Variants in ZBTB4 observed in about 807,000 individuals in gnomAD.
ZBTB4 encodes zinc finger and BTB domain-containing protein 4.
A neutral mutation model predicts 59.8 loss-of-function variants in ZBTB4; 14 were observed. That is an observed-to-expected ratio of 0.23 (90% CI 0.15 to 0.37). The LOEUF is 0.37. Among genes scored for constraint, ZBTB4 ranks in the 10% least tolerant of loss-of-function variants. The pLI is 1.00. For synonymous variants in ZBTB4, 587 were observed against 575.2 expected, an observed-to-expected ratio of 1.02 and a Z score of -0.29; for missense variants, 1,198 against 1,380.8, an observed-to-expected ratio of 0.87 and a Z score of 2.10.
At chr17:7,468,858 C>T (rs2070162130) in intron 1 of ZBTB4, among the ~76,000 whole-genome samples, 2 of 152,196 alleles carry the variant, frequency 1.3e-5, no homozygotes, top group South Asian at 4.1e-4. Flanking sequence ...GACACCTCTC[C>T]TGGATGGGAA....
In ZBTB4 at chr17:7,460,810, G is replaced by A. The variant is rs568812016; in HGVS notation, c.*1130C>T. ...TGTAAGGTGCTATTTTGAAGGGAAA[G>A]TTGGTGGGGATACCCCAAAGCCCAC... On this transcript the variant is annotated 3_prime_UTR_variant, in exon 4 of 4. Transcript: ENST00000380599. 2.6e-5 allele frequency: 4 copies of A among 152,784 alleles called. No individual in the cohort carries two copies. The highest frequency in any genetic ancestry group is 9.6e-5 in the African/African-American group (4 of 41,578). 9.5% of individuals were successfully genotyped at this position (152,784 alleles called of 1,614,324 possible).
In ZBTB4 at chr17:7,465,693, C is replaced by T. The variant is rs753178934; in HGVS notation, c.1091+18G>A. Reference sequence around the variant, plus strand: ...GTGCCAGCCTCCAGCCGCTCCCCCGCCAGCCTGGATCACTCACCTGCGCTC... The same window carrying T: ...GTGCCAGCCTCCAGCCGCTCCCCCGTCAGCCTGGATCACTCACCTGCGCTC... On this transcript the variant is annotated intron_variant, in intron 3 of 3. Coordinates refer to ENST00000380599, the MANE Select transcript of ZBTB4 (RefSeq NM_001128833.2). 6.3e-7 allele frequency: 1 copy of T among 1,575,344 alleles called. No individual in the cohort carries two copies. The highest frequency in any genetic ancestry group is 1.2e-5 in the South Asian group (1 of 85,518).
intron 1 of ZBTB4, among the ~76,000 whole-genome samples, chr17:7,478,068 C>T (rs927101488): frequency 1.3e-5 from 2 of 152,126 alleles, no homozygotes; most frequent in African/African-American, 2.4e-5. Context: ...ACGGCAGGCA[C>T]GCACACACAG....
chr17:7,483,716 T>C (rs1020052385), upstream of ZBTB4, among the ~76,000 whole-genome samples: 3 of 152,222 alleles, frequency 2.0e-5, no homozygotes, highest in African/African-American at 7.2e-5. Flanking sequence ...CGCGGTCCCG[T>C]GATCTCTCCC....
chr17:7,476,307 A>C (rs903491927), intron 1 of ZBTB4, among the ~76,000 whole-genome samples: 1 of 152,160 alleles, frequency 6.6e-6, no homozygotes, highest in South Asian at 2.1e-4. Flanking sequence ...GTCTAGCTCC[A>C]ATCTTCCTTT....
chr17:7,467,900 C>T (rs2070149240), intron 1 of ZBTB4, among the ~76,000 whole-genome samples: 1 of 152,216 alleles, frequency 6.6e-6, no homozygotes, highest in African/African-American at 2.4e-5. Flanking sequence ...CATTGAAGAC[C>T]ACTGACCCAT....
intron 1 of ZBTB4, among the ~76,000 whole-genome samples, chr17:7,473,932 G>A (rs1395484294): frequency 6.6e-6 from 1 of 150,688 alleles, no homozygotes; most frequent in East Asian, 2.0e-4. Context: ...TTTTTGAGAT[G>A]GATGGCATCT....
rs931751962 is a variant in ZBTB4, at chr17:7,467,175, C to T, written c.-10+82G>A. The T allele has an allele frequency of 7.5e-6, 8 of 1,062,768 alleles. No homozygotes were observed. The African/African-American group carries it at 1.3e-4, about 18-fold the overall frequency. The allele number at this position is 1,062,768 out of a possible 1,614,324, so 65.8% of individuals were successfully genotyped here. On this transcript the variant is annotated intron_variant, in intron 2 of 3. Transcript: ENST00000380599. ...ATAGCCATTTCACAGAACTCCCCAG[C>T]CTAGACAAAATGGCCGCCCCTGCTG...
At chr17:7,465,156 AAAAAAAAAAAAT>A (rs1467431975) in intron 3 of ZBTB4, among the ~76,000 whole-genome samples, 2 of 114,696 alleles carry the variant, frequency 1.7e-5, no homozygotes, top group Non-Finnish European at 3.7e-5. Flanking sequence ...ACTCTGTCTC[AAAAAAAAAAAAT>A]AAAAAAAATG....
chr17:7,467,311 T>C lies in ZBTB4; in HGVS notation c.-64A>G. 1 of 919,788 alleles carries C rather than the reference T, an allele frequency of 1.1e-6. No individual in the cohort carries two copies. The highest frequency in any genetic ancestry group is 1.3e-6 in the Non-Finnish European group (1 of 769,300). The allele number at this position is 919,788 out of a possible 1,614,324, so 57.0% of individuals were successfully genotyped here. A position where few individuals can be genotyped will look rare whatever the true frequency, so the allele number is the denominator to read the frequency against. On this transcript the variant is annotated 5_prime_UTR_variant, in exon 2 of 4. Transcript: ENST00000380599. ...GGGGGGTGGCTCAGCGAGTCCCTTC[T>C]GCTGGGCCTCTTCCTTCTGCGGAGA...
intron 1 of ZBTB4, among the ~76,000 whole-genome samples, chr17:7,477,422 A>C (rs2070283610): frequency 6.6e-6 from 1 of 151,898 alleles, no homozygotes; most frequent in Non-Finnish European, 1.5e-5. Flanking sequence ...GTCACTGTGC[A>C]CCTGTTGAGC....
chr17:7,472,495 A>C (rs2070211694), intron 1 of ZBTB4, among the ~76,000 whole-genome samples: 1 of 151,026 alleles, frequency 6.6e-6, no homozygotes, highest in Non-Finnish European at 1.5e-5. Context: ...AGCCTGGCTA[A>C]TTTTTTTGTA....
chr17:7,463,440 C>T lies in ZBTB4; in HGVS notation c.1542G>A (p.Pro514=), dbSNP rs753641581. Residue 514 remains proline (P), a synonymous_variant, in exon 4 of 4, where the codon CCG becomes CCA. Coordinates refer to ENST00000380599, the MANE Select transcript of ZBTB4 (RefSeq NM_001128833.2). ...GGTATTCTCGTTTCTTGGGTGGCCT[C>T]GGGGGAGCAGTGTAAGTGATAACCG... ...AASVITYTAP[P]RPPKKREYPP... is the part of the protein sequence containing the mutation. The T allele has an allele frequency of 7.0e-5, 109 of 1,555,690 alleles. No homozygotes were observed. The Middle Eastern group carries it at 1.4e-3, about 19-fold the overall frequency.
In ZBTB4 at chr17:7,461,623, G is replaced by C; in HGVS notation, c.*317C>G. 3.9e-6 allele frequency: 1 copy of C among 256,642 alleles called. No homozygotes were observed. Among genetic ancestry groups the C allele is most frequent in the Admixed American group, 5.0e-5 (1 of 19,890 alleles). The allele number at this position is 256,642 out of a possible 1,614,324, so 15.9% of individuals were successfully genotyped here. A position where few individuals can be genotyped will look rare whatever the true frequency, so the allele number is the denominator to read the frequency against. On this transcript the variant is annotated 3_prime_UTR_variant, in exon 4 of 4. Coordinates refer to ENST00000380599, the MANE Select transcript of ZBTB4 (RefSeq NM_001128833.2). ...AGGTTAGACATTCAGAGCTGGTGGG[G>C]GCTGTGAGTAGAGATTCAGGTTAAG...
At position 7,466,488 on chromosome 17, in the gene ZBTB4, G is replaced by A. The variant is rs550326329; in HGVS notation, c.314C>T (p.Ser105Phe). Residue 105 changes from serine to phenylalanine, a missense_variant, in exon 3 of 4, where the codon TCT (serine) becomes TTT (phenylalanine). Ser to Phe is a radical substitution (Grantham distance 155). Transcript: ENST00000380599. The surrounding 1 kb of genome is among the most constrained non-coding windows in gnomAD (Gnocchi z 9.1). ...AGGGGGAGAGGAAGAGGAAGAGGAA[G>A]AAGAAGAAGAAGCAGAGGAGGAAGA... is the stretch of plus-strand genomic sequence containing the variant. Reference protein sequence around the residue: ...SSSSSSASSSSSSSSSSPPPA... With the variant: ...SSSSSSASSSFSSSSSSPPPA... 12 of 1,607,170 alleles carry A rather than the reference G, an allele frequency of 7.5e-6. No individual in the cohort carries two copies. The African/African-American group carries it at 1.4e-4, about 18-fold the overall frequency.
At chr17:7,464,381 G>A (rs1304508084) in intron 3 of ZBTB4, among the ~76,000 whole-genome samples, 1 of 140,616 alleles carries the variant, frequency 7.1e-6, no homozygotes, top group Non-Finnish European at 1.5e-5. Context: ...AGCCAAGATT[G>A]CACCACTGCA....
intron 1 of ZBTB4, among the ~76,000 whole-genome samples, chr17:7,474,954 G>A (rs1452875812): frequency 6.9e-6 from 1 of 144,340 alleles, no homozygotes; most frequent in East Asian, 2.1e-4. Context: ...GGCGGTTGCA[G>A]CGAGCAGAGA....
At chr17:7,480,163 C>T (rs2070326346), upstream of ZBTB4, among the ~76,000 whole-genome samples, 1 of 152,156 alleles carries the variant, frequency 6.6e-6, no homozygotes, top group Non-Finnish European at 1.5e-5. Flanking sequence ...CACGAACGAC[C>T]ACCAGCGCAA....
Position 7,465,847 on chromosome 17 carries a change from C to G in ZBTB4, c.955G>C (p.Val319Leu), listed in dbSNP as rs753390026. The change falls in exon 3 of 4, where the codon GTG becomes CTG. Residue 319 changes from valine to leucine, a missense_variant. By Grantham distance (32) the Val-to-Leu change is conservative. This residue lies in a region of ZBTB4 where 204 missense variants were observed against 205.5 expected (regional missense o/e 0.99). Coordinates refer to ENST00000380599, the MANE Select transcript of ZBTB4 (RefSeq NM_001128833.2). The part of the protein sequence containing the change: ...YVCAACERSY[V>L]TLSSLKRHSN... ...TGTCTCTTCAGACTGGACAGGGTCA[C>G]GTAGGAACGCTCGCAGGCCGCGCAC... The G allele has an allele frequency of 1.9e-6, 3 of 1,614,202 alleles. No individual in the cohort carries two copies. Among genetic ancestry groups the G allele is most frequent in the Admixed American group, 1.7e-5 (1 of 60,030 alleles).
Sources: gnomAD v4.1 joint callset for allele counts (sites outside exome capture counted in the v4.1 genomes callset) on GRCh38, gnomAD v4.1.1 for gene constraint, gnomAD v4.1.1 regional missense constraint, Gnocchi (gnomAD v3.1) non-coding constraint, MANE v1.5 for transcripts, NCBI Gene and HGNC (gene_info 2026-07-23, HGNC 2026-07-21) for gene names.